Variants in IFT46 observed in about 807,000 individuals in gnomAD.
IFT46 encodes intraflagellar transport protein 46 homolog.
In IFT46, 19 loss-of-function variants were observed where a neutral mutation model predicts 39.6. The observed-to-expected ratio is 0.48, with a 90% CI of 0.33 to 0.70. IFT46 has a LOEUF of 0.70. IFT46 is among the 30% of genes least tolerant of loss of function. The pLI is 0.01. For missense variants in IFT46, 334 were observed against 364.8 expected (o/e 0.92, Z 0.69); for synonymous variants, 117 against 134.8 (o/e 0.87, Z 0.91).
At chr11:118,574,582 A>G (rs563201816), upstream of IFT46, among the ~76,000 whole-genome samples, 1 of 152,150 alleles carries the variant, frequency 6.6e-6, no homozygotes, top group African/African-American at 2.4e-5. Context: ...TAAGTTGCAG[A>G]TATCAGTACG....
chr11:118,554,787 G>T (rs1937771504), intron 6 of IFT46, among the ~76,000 whole-genome samples, 200 bp from the exon 7 acceptor site: 1 of 152,170 alleles, frequency 6.6e-6, no homozygotes, highest in Admixed American at 6.5e-5. Flanking sequence ...GCAAATACAT[G>T]ACAAACTGTT....
intron 3 of IFT46, 110 bp from the exon 4 acceptor site, chr11:118,557,155 A>G: frequency 9.9e-7 from 1 of 1,012,862 alleles, no homozygotes; most frequent in Non-Finnish European, 1.3e-6. Flanking sequence ...GCACCTCGTC[A>G]CCAGAAAGAG....
rs201620980 is a variant in IFT46 at position 118,556,831 on chromosome 11, C to T, written c.185+75G>A. The T allele has an allele frequency of 2.0e-4, 294 of 1,439,698 alleles. 5 individuals are homozygous for T. The East Asian group carries it at 5.2e-3, about 25-fold the overall frequency. The allele number at this position is 1,439,698 out of a possible 1,614,324, so 89.2% of individuals were successfully genotyped here. A position where few individuals can be genotyped will look rare whatever the true frequency, so the allele number is the denominator to read the frequency against. Reference sequence around the variant, plus strand: ...AGAGATGCTGGAATTTCACTTCTAACTGACGTCCTCCCACTCCAGTGTTTT... The same window carrying T: ...AGAGATGCTGGAATTTCACTTCTAATTGACGTCCTCCCACTCCAGTGTTTT... On this transcript the variant is annotated intron_variant, in intron 4 of 11. Coordinates refer to ENST00000264021, the MANE Select transcript of IFT46 (RefSeq NM_001168618.2).
At chr11:118,554,717 G>T in intron 6 of IFT46, 130 bp from the exon 7 acceptor site, 1 of 996,800 alleles carries the variant, frequency 1.0e-6, no homozygotes. Context: ...ATACTATCCA[G>T]AAAAAAAATA....
chr11:118,550,297 T>C (rs1951782015), intron 9 of IFT46, among the ~76,000 whole-genome samples: 1 of 152,220 alleles, frequency 6.6e-6, no homozygotes, highest in African/African-American at 2.4e-5. Flanking sequence ...GAGAAACACC[T>C]AACTATCCTA....
At chr11:118,573,122 C>T (rs1938392555), upstream of IFT46, among the ~76,000 whole-genome samples, 1 of 152,178 alleles carries the variant, frequency 6.6e-6, no homozygotes, top group Admixed American at 6.5e-5. Flanking sequence ...GTATAGGACC[C>T]AAGTGTCTCT....
chr11:118,569,448 G>GA (rs575225754), upstream of IFT46, among the ~76,000 whole-genome samples: 3 of 151,186 alleles, frequency 2.0e-5, no homozygotes, highest in African/African-American at 7.3e-5. Context: ...TTTTTTTAAT[G>GA]AAAAAAAACT....
chr11:118,572,691 T>C (rs1555072669), exon 1 of IFT46: 3 of 972,944 alleles, frequency 3.1e-6, no homozygotes, highest in African/African-American at 1.6e-5. Context: ...CGGGGAGCAG[T>C]GTGGCCTCCT....
intron 9 of IFT46, chr11:118,546,994 T>A (rs1297065856): frequency 6.6e-6 from 1 of 152,236 alleles, no homozygotes; most frequent in African/African-American, 2.4e-5. Flanking sequence ...TTTGCTTTTT[T>A]CATTTAACAA....
intron 4 of IFT46, 51 bp from the exon 5 acceptor site, chr11:118,555,373 G>GGCAGGGGCAGGGC (rs1555069304): frequency 7.1e-7 from 1 of 1,404,124 alleles, no homozygotes; most frequent in East Asian, 2.3e-5. Context: ...GAGCAGAGGT[G>GGCAGGGGCAGGGC]GCAGGGTCCT....
upstream of IFT46, among the ~76,000 whole-genome samples, chr11:118,574,447 A>C (rs1490207196): frequency 6.6e-6 from 1 of 152,176 alleles, no homozygotes; most frequent in African/African-American, 2.4e-5. Flanking sequence ...AGTTGAAAGA[A>C]CTTTGTAGTG....
intron 7 of IFT46, among the ~76,000 whole-genome samples, chr11:118,553,555 T>C (rs781927593): frequency 7.2e-5 from 11 of 152,076 alleles, no homozygotes; most frequent in Admixed American, 1.3e-4. Flanking sequence ...TCATTGCTGG[T>C]GGGAATGTAA....
At chr11:118,553,839 G>A (rs1937736053) in intron 7 of IFT46, among the ~76,000 whole-genome samples, 1 of 152,186 alleles carries the variant, frequency 6.6e-6, no homozygotes, top group Admixed American at 6.5e-5. Flanking sequence ...CTAGGAGGAA[G>A]TGGGAGAATG....
intron 7 of IFT46, 73 bp from the exon 8 acceptor site, chr11:118,552,408 T>G: frequency 6.5e-7 from 1 of 1,548,518 alleles, no homozygotes; most frequent in South Asian, 1.2e-5. Flanking sequence ...TCTCATTATA[T>G]CTGCTGCTGT....
At chr11:118,572,347 C>CGGGGGG in intron 1 of IFT46, 1 of 138,232 alleles carries the variant, frequency 7.2e-6, no homozygotes. Context: ...CCACAGGCCC[C>CGGGGGG]GCCCCCCCCC....
intron 9 of IFT46, chr11:118,547,166 G>A (rs1951706311): frequency 6.6e-6 from 1 of 152,170 alleles, no homozygotes; most frequent in African/African-American, 2.4e-5. Flanking sequence ...GAAAGAGACT[G>A]TTTCCAAATT....
chr11:118,553,590 A>T (rs1937725762), intron 7 of IFT46, among the ~76,000 whole-genome samples: 1 of 152,214 alleles, frequency 6.6e-6, no homozygotes, highest in Admixed American at 6.5e-5. Flanking sequence ...TTTGGAAAAC[A>T]GTTTGGTAGT....
At chr11:118,573,377 G>C (rs1555072832), upstream of IFT46, among the ~76,000 whole-genome samples, 1 of 152,094 alleles carries the variant, frequency 6.6e-6, no homozygotes, top group Non-Finnish European at 1.5e-5. Flanking sequence ...GCCTTCCCAT[G>C]CGTTATCTTT....
intron 9 of IFT46, among the ~76,000 whole-genome samples, chr11:118,548,388 CAG>C (rs1951746074): frequency 7.8e-6 from 1 of 127,754 alleles, no homozygotes; most frequent in African/African-American, 3.1e-5. Flanking sequence ...TTTTTTTGGA[CAG>C]AGTCTCACTC....
Sources: allele counts gnomAD v4.1 joint callset (sites outside exome capture counted in the v4.1 genomes callset), GRCh38; gene constraint gnomAD v4.1.1; transcripts MANE v1.5; gene names NCBI Gene and HGNC (gene_info 2026-07-23, HGNC 2026-07-21).